Variants in FAM219A observed in about 807,000 individuals in gnomAD.
FAM219A encodes the protein protein FAM219A.
FAM219A carries 7 observed loss-of-function variants against 23.4 expected under a neutral mutation model. The ratio of observed to expected loss-of-function variants is 0.30; its 90% CI spans 0.17 to 0.56. FAM219A has a LOEUF of 0.56. Among genes scored for constraint, FAM219A ranks in the 20% least tolerant of loss-of-function variants. The pLI, the probability that FAM219A is intolerant of heterozygous loss-of-function variation, is 0.92. For missense variants in FAM219A, 166 were observed against 246.9 expected (o/e 0.67, Z 2.20); for synonymous variants, 93 against 99.0 (o/e 0.94, Z 0.36).
chr9:34,415,786 T>C lies in FAM219A; in HGVS notation c.61-9822A>G, dbSNP rs137892921. Among the ~76,000 whole-genome samples, 24 of 152,234 alleles carry C rather than the reference T, an allele frequency of 1.6e-4. 1 individual carries two copies. The highest frequency in any genetic ancestry group is 5.8e-4 in the African/African-American group (24 of 41,552). The stretch of plus-strand genomic sequence containing the variant: ...TCGGGAAGTGGGACTTAAATGGAGA[T>C]GTAAAGTTCAAGACTGTGGATTAGG... On this transcript the variant is annotated intron_variant, in intron 1 of 5. Transcript: ENST00000651358.
chr9:34,416,396 G>A (rs1588042956), intron 1 of FAM219A, among the ~76,000 whole-genome samples: 2 of 152,016 alleles, frequency 1.3e-5, no homozygotes, highest in East Asian at 3.9e-4. Context: ...AGCTTCAGTT[G>A]GGTTTTTTAT....
intron 1 of FAM219A, among the ~76,000 whole-genome samples, chr9:34,423,273 A>C (rs1374211357): frequency 6.6e-6 from 1 of 152,226 alleles, no homozygotes; most frequent in Admixed American, 6.5e-5. Context: ...AGAGGTTTGT[A>C]TGTGTACAGG....
chr9:34,435,874 C>T (rs938592903), intron 1 of FAM219A, among the ~76,000 whole-genome samples: 6 of 151,866 alleles, frequency 4.0e-5, no homozygotes, highest in South Asian at 2.1e-4. Flanking sequence ...GGCATGATCT[C>T]GGCTCACTGC....
At chr9:34,418,200 T>TAAA (rs536041489) in intron 1 of FAM219A, among the ~76,000 whole-genome samples, 1 of 127,090 alleles carries the variant, frequency 7.9e-6, no homozygotes, top group African/African-American at 2.9e-5. Context: ...AGTGAGATGG[T>TAAA]AAAAAAAAAA....
intron 1 of FAM219A, among the ~76,000 whole-genome samples, chr9:34,407,118 C>T (rs1040236146): frequency 3.9e-5 from 6 of 151,982 alleles, no homozygotes; most frequent in African/African-American, 1.5e-4. Flanking sequence ...CTTATCTAGC[C>T]TTGCCATCCC....
chr9:34,401,817 C>T, intron 4 of FAM219A, 97 bp from the exon 5 acceptor site: 2 of 1,312,762 alleles, frequency 1.5e-6, no homozygotes, highest in African/African-American at 1.4e-5. Flanking sequence ...CTATACCTCC[C>T]TTACAGTTCC....
chr9:34,443,931 TCC>T (rs1251355435), intron 1 of FAM219A, among the ~76,000 whole-genome samples: 1 of 152,186 alleles, frequency 6.6e-6, no homozygotes, highest in Non-Finnish European at 1.5e-5. Flanking sequence ...TCTGACTGGT[TCC>T]CTTTGGTACC....
chr9:34,440,462 TA>T lies in FAM219A; in HGVS notation c.60+17741del, dbSNP rs1278835534. On this transcript the variant is annotated intron_variant, in intron 1 of 5. Transcript: ENST00000651358. ...TACACTCCTCTGTGAGGAGAGACAA[TA>T]GGGGTGGAGATACTGGGGCAACACA... Among the ~76,000 whole-genome samples, 9 of 152,012 alleles carry T rather than the reference TA, an allele frequency of 5.9e-5. No homozygotes were observed. The East Asian group carries it at 1.5e-3, about 26-fold the overall frequency.
intron 1 of FAM219A, among the ~76,000 whole-genome samples, chr9:34,424,562 T>G (rs1474213769): frequency 6.6e-6 from 1 of 152,160 alleles, no homozygotes; most frequent in Non-Finnish European, 1.5e-5. Context: ...GTCCCCTGAC[T>G]TAGTTTTGGC....
intron 1 of FAM219A, among the ~76,000 whole-genome samples, chr9:34,430,169 T>C (rs1035650137): frequency 5.3e-5 from 8 of 152,008 alleles, no homozygotes; most frequent in African/African-American, 1.9e-4. Flanking sequence ...ACAGGGCTGG[T>C]CTTGGAAAGA....
intron 1 of FAM219A, among the ~76,000 whole-genome samples, chr9:34,414,456 C>T (rs894222071): frequency 7.9e-5 from 12 of 152,218 alleles, no homozygotes; most frequent in Non-Finnish European, 1.5e-4. Flanking sequence ...TGCAGCAAAC[C>T]ACCATGGCAC....
chr9:34,409,614 C>A (rs1022448990), intron 1 of FAM219A, among the ~76,000 whole-genome samples: 1 of 152,238 alleles, frequency 6.6e-6, no homozygotes, highest in Admixed American at 6.5e-5. Flanking sequence ...CCCAGCCTCA[C>A]TGTTTCTGGG....
At chr9:34,443,139 C>T (rs1823244214) in intron 1 of FAM219A, among the ~76,000 whole-genome samples, 1 of 152,148 alleles carries the variant, frequency 6.6e-6, no homozygotes, top group South Asian at 2.1e-4. Flanking sequence ...AGGAAGTGAG[C>T]AATCTGGATC....
rs924672318 is a variant in FAM219A at position 34,399,571 on chromosome 9, A to G, written c.*1393T>C. On this transcript the variant is annotated 3_prime_UTR_variant, in exon 6 of 6. Coordinates refer to ENST00000651358, the MANE Select transcript of FAM219A (RefSeq NM_001184940.2). ...AGGAACTGCCCCTTCGCCTTTCTAC[A>G]GAGACACACAACTCCGCCCCACCCC... is the stretch of plus-strand genomic sequence containing the variant. 6.6e-6 allele frequency: 1 copy of G among 152,240 alleles called. No homozygotes were observed. Among genetic ancestry groups the G allele is most frequent in the Non-Finnish European group, 1.5e-5 (1 of 68,056 alleles). The allele number at this position is 152,240 out of a possible 1,614,324, so 9.4% of individuals were successfully genotyped here. A position where few individuals can be genotyped will look rare whatever the true frequency, so the allele number is the denominator to read the frequency against.
chr9:34,425,316 C>T (rs1822418704), intron 1 of FAM219A, among the ~76,000 whole-genome samples: 1 of 151,938 alleles, frequency 6.6e-6, no homozygotes, highest in South Asian at 2.1e-4. Context: ...CCCGTCTCTA[C>T]CAAAAATACA....
chr9:34,443,228 T>C (rs1045940019), intron 1 of FAM219A, among the ~76,000 whole-genome samples: 2 of 152,134 alleles, frequency 1.3e-5, no homozygotes, highest in Non-Finnish European at 2.9e-5. Context: ...CCCTGAAAAT[T>C]GACCTTCGGG....
chr9:34,416,527 G>A (rs1822037618), intron 1 of FAM219A, among the ~76,000 whole-genome samples: 1 of 152,096 alleles, frequency 6.6e-6, no homozygotes, highest in African/African-American at 2.4e-5. Context: ...ACTTTGGGAG[G>A]CCGAAGCAGG....
chr9:34,428,639 T>C (rs1192503748), intron 1 of FAM219A, among the ~76,000 whole-genome samples: 1 of 152,222 alleles, frequency 6.6e-6, no homozygotes, highest in Non-Finnish European at 1.5e-5. Context: ...AGCTCCTAAA[T>C]AAAACAATTA....
At chr9:34,426,368 G>A (rs1822472288) in intron 1 of FAM219A, among the ~76,000 whole-genome samples, 1 of 152,102 alleles carries the variant, frequency 6.6e-6, no homozygotes, top group Non-Finnish European at 1.5e-5. Flanking sequence ...AGAAATGATG[G>A]TATATAGAAA....
Sources: gnomAD v4.1 joint callset for allele counts (sites outside exome capture counted in the v4.1 genomes callset) on GRCh38, gnomAD v4.1.1 for gene constraint, MANE v1.5 for transcripts, NCBI Gene and HGNC (gene_info 2026-07-23, HGNC 2026-07-21) for gene names.